The following ROBO3 variants were observed in gnomAD, a reference collection of about 807,000 sequenced individuals.
The protein encoded by ROBO3 is roundabout guidance receptor 3.
Under a neutral mutation model 160.5 loss-of-function variants are expected in ROBO3, and 97 were observed. The ratio of observed to expected loss-of-function variants is 0.60; its 90% CI spans 0.51 to 0.72. ROBO3 has a LOEUF of 0.72. Ranked by LOEUF, ROBO3 falls within the 30% of genes least tolerant of loss-of-function variation. The pLI is 0.00. For missense variants in ROBO3, 1,858 were observed against 1,846.5 expected, an observed-to-expected ratio of 1.01 and a Z score of -0.11; for synonymous variants, 780 against 746.2, an observed-to-expected ratio of 1.05 and a Z score of -0.74.
chr11:124,879,297 A>T lies in ROBO3; in HGVS notation c.3641A>T (p.His1214Leu), dbSNP rs762826151. Residue 1214 changes from histidine to leucine, a missense_variant, in exon 24 of 28, where the codon CAC (histidine) becomes CTC (leucine). Transcript: ENST00000397801. ...GLGAGPAASP[H>L]LSPSPAPSTA... ...GGTGCTGGCCCTGCAGCCTCACCCC[A>T]CCTCAGCCCCAGTCCTGCCCCTAGC... is the stretch of plus-strand genomic sequence containing the variant. The T allele has an allele frequency of 1.5e-5, 24 of 1,604,408 alleles. No individual in the cohort carries two copies. Among genetic ancestry groups the T allele is most frequent in the Non-Finnish European group, 2.0e-5 (23 of 1,176,186 alleles).
chr11:124,878,134 A>T lies in ROBO3; in HGVS notation c.3181+3A>T. ...AGAGTGGAGCCAGGGGGACAGTGGTATGACTCCAACTCCTGAAACCCCGTT... is the reference window on the plus strand; with the variant it reads ...AGAGTGGAGCCAGGGGGACAGTGGTTTGACTCCAACTCCTGAAACCCCGTT... On this transcript the variant is annotated splice_donor_region_variant and intron_variant, in intron 21 of 27. Transcript: ENST00000397801. This position sits in a 1 kb window ranked among gnomAD's most constrained non-coding sequence, Gnocchi z 4.3. 6.2e-7 allele frequency: 1 copy of T among 1,601,204 alleles called. No homozygotes were observed. Among genetic ancestry groups the T allele is most frequent in the Non-Finnish European group, 8.5e-7 (1 of 1,174,356 alleles).
At chr11:124,879,987 AG>A in intron 26 of ROBO3, 39 bp downstream of exon 26, 1 of 1,515,796 alleles carries the variant, frequency 6.6e-7, no homozygotes, top group Non-Finnish European at 8.9e-7. Flanking sequence ...CTGCTGCCAC[AG>A]GAGACTGTGG....
rs1275321922 is a variant in ROBO3 at position 124,865,740 on chromosome 11, G to A, written c.160+3G>A. 7.5e-6 allele frequency: 12 copies of A among 1,605,294 alleles called. No homozygotes were observed. The highest frequency in any genetic ancestry group is 9.3e-6 in the Non-Finnish European group (11 of 1,177,194). On this transcript the variant is annotated splice_donor_region_variant and intron_variant, in intron 1 of 27. Transcript: ENST00000397801. The surrounding 1 kb of genome is among the most constrained non-coding windows in gnomAD (Gnocchi z 5.5). ...TCCCGGCGATCCCTCTCTCAACGGTGAGACCCTGCCTCTTGGGGATATGGG... is the reference window on the plus strand; with the variant it reads ...TCCCGGCGATCCCTCTCTCAACGGTAAGACCCTGCCTCTTGGGGATATGGG...
In ROBO3 at chr11:124,869,634, C is replaced by T. The variant is rs1270452046; in HGVS notation, c.645+27C>T. The T allele has an allele frequency of 6.5e-7, 1 of 1,539,586 alleles. No homozygotes were observed. The highest frequency in any genetic ancestry group is 1.3e-5 in the South Asian group (1 of 79,338). Reference sequence around the variant, plus strand: ...TGAGGGCGGGATTATGATTGGAGACCCCAACAAGGGAGGGGACATAGGGTA... The same window carrying T: ...TGAGGGCGGGATTATGATTGGAGACTCCAACAAGGGAGGGGACATAGGGTA... On this transcript the variant is annotated intron_variant, in intron 3 of 27. Transcript: ENST00000397801. The surrounding 1 kb of genome is among the most constrained non-coding windows in gnomAD (Gnocchi z 4.2).
intron 6 of ROBO3, 46 bp downstream of exon 6, chr11:124,870,774 G>C: frequency 6.3e-7 from 1 of 1,596,322 alleles, no homozygotes. Flanking sequence ...TGGTAGGAGG[G>C]GAGAAGGAGG....
At chr11:124,877,235 C>T in intron 18 of ROBO3, 32 bp from the exon 19 acceptor site, 1 of 1,613,976 alleles carries the variant, frequency 6.2e-7, no homozygotes, top group Non-Finnish European at 8.5e-7. Context: ...ACGGGCCCTT[C>T]TCTCACTCAT....
Position 124,879,821 on chromosome 11 carries a change from A to G in ROBO3, c.3831A>G (p.Glu1277=). ...LPPPPLPPPE[E]EASWALELRA... ...CACCACCCTTGCCACCGCCAGAGGAAGAGGCGAGCTGGGCCCTAGAGCTGA... is the reference window on the plus strand; with the variant it reads ...CACCACCCTTGCCACCGCCAGAGGAGGAGGCGAGCTGGGCCCTAGAGCTGA... Residue 1277 remains glutamate, a synonymous_variant, in exon 26 of 28, where the codon GAA becomes GAG. Transcript: ENST00000397801. 3.1e-6 allele frequency: 5 copies of G among 1,613,884 alleles called. No individual in the cohort carries two copies. Among genetic ancestry groups the G allele is most frequent in the Non-Finnish European group, 4.2e-6 (5 of 1,179,848 alleles).
chr11:124,872,943 C>T lies in ROBO3; in HGVS notation c.1390C>T (p.Leu464Phe). 6.2e-7 allele frequency: 1 copy of T among 1,612,860 alleles called. No individual in the cohort carries two copies. The highest frequency in any genetic ancestry group is 8.5e-7 in the Non-Finnish European group (1 of 1,179,722). Residue 464 changes from leucine (L) to phenylalanine (F), a missense_variant, in exon 9 of 28, where the codon CTT becomes TTT. Transcript: ENST00000397801. This position sits in a 1 kb window ranked among gnomAD's most constrained non-coding sequence, Gnocchi z 4.3. ...GGGACCAGCCAATCAGACGCTGGTG[C>T]TTGGCTCCTCCGTGTGGCTGCCCTG... ...LQGPANQTLVLGSSVWLPCRV... is the reference protein window; with the variant it reads ...LQGPANQTLVFGSSVWLPCRV...
At chr11:124,870,115 G>A in intron 4 of ROBO3, 47 bp downstream of exon 4, 3 of 1,613,998 alleles carry the variant, frequency 1.9e-6, no homozygotes, top group South Asian at 2.2e-5. Flanking sequence ...AGCCTGCAGA[G>A]TAAGTAGCCG....
chr11:124,874,792 C>T lies in ROBO3; in HGVS notation c.1956C>T (p.Ser652=), dbSNP rs1459157545. 1 of 1,605,606 alleles carries T rather than the reference C, an allele frequency of 6.2e-7. No individual in the cohort carries two copies. The highest frequency in any genetic ancestry group is 1.7e-5 in the Admixed American group (1 of 58,948). The change falls in exon 13 of 28, where the codon AGC becomes AGT. Residue 652 remains serine (S), a synonymous_variant. Coordinates refer to ENST00000397801, the MANE Select transcript of ROBO3 (RefSeq NM_022370.4). ...AATGGGTTCCTTGGTCAACAGATAG[C>T]AGCCCCTCTAGGCCAGTGGAGGACC... The part of the protein sequence containing the change: ...PVSEPVRTQD[S]SPSRPVEDPW...
chr11:124,866,446 C>T (rs1353589726), intron 1 of ROBO3, among the ~76,000 whole-genome samples: 1 of 152,192 alleles, frequency 6.6e-6, no homozygotes, highest in Admixed American at 6.5e-5. Context: ...TGCGGAGAGG[C>T]CGGAGCGCGC....
At position 124,873,748 on chromosome 11, in the gene ROBO3, G is replaced by T. The variant is rs775602130; in HGVS notation, c.1670G>T (p.Gly557Val). ...CCTACAGAACCCAGTTCCCCTCCGGGGGCTCCCTCTCAGCCAGTGGTCACT... is the reference window on the plus strand; with the variant it reads ...CCTACAGAACCCAGTTCCCCTCCGGTGGCTCCCTCTCAGCCAGTGGTCACT... ...DPPTEPSSPPGAPSQPVVTEI... is the reference protein window; with the variant it reads ...DPPTEPSSPPVAPSQPVVTEI... Residue 557 changes from glycine (G) to valine (V), a missense_variant, in exon 11 of 28, where the codon GGG becomes GTG. Gly to Val is a moderately radical substitution (Grantham distance 109). Coordinates refer to ENST00000397801, the MANE Select transcript of ROBO3 (RefSeq NM_022370.4). This position sits in a 1 kb window ranked among gnomAD's most constrained non-coding sequence, Gnocchi z 4.5. The T allele has an allele frequency of 6.2e-7, 1 of 1,613,868 alleles. No individual in the cohort carries two copies. The highest frequency in any genetic ancestry group is 8.5e-7 in the Non-Finnish European group (1 of 1,179,850).
chr11:124,877,410 A>G (rs550079305), intron 19 of ROBO3, 101 bp downstream of exon 19: 3 of 1,566,334 alleles, frequency 1.9e-6, no homozygotes, highest in African/African-American at 2.7e-5. Context: ...GCCACCTCCC[A>G]CCCCAACACC....
Position 124,869,277 on chromosome 11 carries a change from AC to A in ROBO3, c.487+150del. The A allele has an allele frequency of 1.8e-6, 2 of 1,118,730 alleles. No homozygotes were observed. Among genetic ancestry groups the A allele is most frequent in the Non-Finnish European group, 1.3e-6 (1 of 758,314 alleles). 69.3% of individuals were successfully genotyped at this position (1,118,730 alleles called of 1,614,324 possible). A position where few individuals can be genotyped will look rare whatever the true frequency, so the allele number is the denominator to read the frequency against. ...CCGCGACCTTTGATCTCTAATGGCC[AC>A]ACCACGGCCAGAGAAGGAAGTGGAT... is the stretch of plus-strand genomic sequence containing the variant. On this transcript the variant is annotated intron_variant, in intron 2 of 27. Coordinates refer to ENST00000397801, the MANE Select transcript of ROBO3 (RefSeq NM_022370.4). This position sits in a 1 kb window ranked among gnomAD's most constrained non-coding sequence, Gnocchi z 4.2.
Position 124,881,249 on chromosome 11 carries a change from G to A in ROBO3, c.4160G>A (p.Ter1387=). 2 of 1,604,892 alleles carry A rather than the reference G, an allele frequency of 1.2e-6. No homozygotes were observed. Among genetic ancestry groups the A allele is most frequent in the Non-Finnish European group, 1.7e-6 (2 of 1,175,536 alleles). Residue 1387 remains the stop codon, a stop_retained_variant, in exon 28 of 28, where the codon TGA becomes TAA. Transcript: ENST00000397801. The part of the protein sequence containing the change: ...PGQKRREEPR[*] ...TCTCTCTCTCCCTAGGAACCAAGAT[G>A]ACCCTTGTTGGGGCATTGAGAATAT...
In ROBO3 at chr11:124,873,094, G is replaced by A; in HGVS notation, c.1536+5G>A. 6.2e-7 allele frequency: 1 copy of A among 1,612,324 alleles called. No individual in the cohort carries two copies. Among genetic ancestry groups the A allele is most frequent in the Non-Finnish European group, 8.5e-7 (1 of 1,178,962 alleles). ...CTGTACATCGCCAATGTGCAGGTGA[G>A]TGTCACCCCTGGGGCCCTAGTAGCT... On this transcript the variant is annotated splice_donor_5th_base_variant and intron_variant, in intron 9 of 27. Coordinates refer to ENST00000397801, the MANE Select transcript of ROBO3 (RefSeq NM_022370.4). The surrounding 1 kb of genome is among the most constrained non-coding windows in gnomAD (Gnocchi z 4.5).
Position 124,869,133 on chromosome 11 carries a change from G to T in ROBO3, c.487+5G>T, listed in dbSNP as rs1366035364. The T allele has an allele frequency of 3.9e-6, 6 of 1,539,524 alleles. No homozygotes were observed. The highest frequency in any genetic ancestry group is 5.2e-6 in the Non-Finnish European group (6 of 1,143,016). The stretch of plus-strand genomic sequence containing the variant: ...ACGCCTCGCTGGAAGTGGCAGGTGA[G>T]AGTCAGTTGACCGTCAGCTGGTTGC... On this transcript the variant is annotated splice_donor_5th_base_variant and intron_variant, in intron 2 of 27. Transcript: ENST00000397801. The surrounding 1 kb of genome is among the most constrained non-coding windows in gnomAD (Gnocchi z 4.2).
chr11:124,874,692 C>A, intron 12 of ROBO3, 96 bp from the exon 13 acceptor site: 1 of 1,412,072 alleles, frequency 7.1e-7, no homozygotes, highest in Non-Finnish European at 9.5e-7. Flanking sequence ...CTCTGGAGTA[C>A]TAAGTGGAGC....
At position 124,872,217 on chromosome 11, in the gene ROBO3, G is replaced by C. The variant is rs568355247; in HGVS notation, c.1159-164G>C. ...TCTAATAAAATTCCCTGATGTTTTT[G>C]TGAATACATTTAACTACTTTGCCCA... On this transcript the variant is annotated intron_variant, in intron 7 of 27. Coordinates refer to ENST00000397801, the MANE Select transcript of ROBO3 (RefSeq NM_022370.4). This position sits in a 1 kb window ranked among gnomAD's most constrained non-coding sequence, Gnocchi z 4.3. Among the ~76,000 whole-genome samples, 1 of 152,320 alleles carries C rather than the reference G, an allele frequency of 6.6e-6. No homozygotes were observed. Among genetic ancestry groups the C allele is most frequent in the East Asian group, 1.9e-4 (1 of 5,188 alleles).
Sources: gnomAD v4.1 joint callset for allele counts (sites outside exome capture counted in the v4.1 genomes callset) on GRCh38, gnomAD v4.1.1 for gene constraint, Gnocchi (gnomAD v3.1) non-coding constraint, MANE v1.5 for transcripts, NCBI Gene and HGNC (gene_info 2026-07-23, HGNC 2026-07-21) for gene names.